The following DIP2C variants were observed in gnomAD, a reference collection of about 807,000 sequenced individuals.
DIP2C encodes the protein disco-interacting protein 2 homolog C.
Under a neutral mutation model 192.4 loss-of-function variants are expected in DIP2C, and 33 were observed. The ratio of observed to expected loss-of-function variants is 0.17; its 90% CI spans 0.13 to 0.23. The LOEUF (loss-of-function observed/expected upper bound fraction) is 0.23. Ranked by LOEUF, DIP2C falls within the 10% of genes least tolerant of loss-of-function variation. The probability of loss-of-function intolerance (pLI) is 1.00; values close to 1 mark genes in which losing one functional copy is unlikely to be tolerated. For synonymous variants in DIP2C, 979 were observed against 864.1 expected (o/e 1.13, Z -2.33); for missense variants, 1,537 against 2,110.1 (o/e 0.73, Z 5.32).
chr10:451,792 A>C (rs1968868320), intron 3 of DIP2C, among the ~76,000 whole-genome samples: 2 of 152,212 alleles, frequency 1.3e-5, no homozygotes, highest in African/African-American at 4.8e-5. Context: ...ACCACCCTCT[A>C]ACACAAAGCA....
At chr10:452,367 A>ACC (rs771867314) in intron 3 of DIP2C, among the ~76,000 whole-genome samples, 7 of 152,096 alleles carry the variant, frequency 4.6e-5, no homozygotes, top group Non-Finnish European at 8.8e-5. Flanking sequence ...GCGCGCACTA[A>ACC]CCCCATCATC....
Position 366,320 on chromosome 10 carries a change from G to A in DIP2C, c.2223C>T (p.Gly741=), listed in dbSNP as rs1960200483. 1 of 1,613,966 alleles carries A rather than the reference G, an allele frequency of 6.2e-7. No homozygotes were observed. Among genetic ancestry groups the A allele is most frequent in the Non-Finnish European group, 8.5e-7 (1 of 1,179,968 alleles). The change falls in exon 19 of 37, where the codon GGC becomes GGT. Residue 741 remains glycine, a synonymous_variant. Transcript: ENST00000280886. ...TGCCAGAGAGGCCATAGTAGGACGT[G>A]CCCGTCGCAACTGCACACACACACA... ...GELCVCAVAT[G]TSYYGLSGMT... is the part of the protein sequence containing the mutation.
intron 1 of DIP2C, among the ~76,000 whole-genome samples, chr10:677,414 G>A (rs1830913748): frequency 6.6e-6 from 1 of 152,108 alleles, no homozygotes; most frequent in Non-Finnish European, 1.5e-5. Context: ...GCTCCTTAAG[G>A]ATGACTTCCT....
At chr10:458,968 T>G (rs1969529506) in intron 3 of DIP2C, among the ~76,000 whole-genome samples, 1 of 144,500 alleles carries the variant, frequency 6.9e-6, no homozygotes, top group South Asian at 2.2e-4. Context: ...AGCACAAGTT[T>G]CCAGTTTACC....
In DIP2C at chr10:516,083, G is replaced by A. The variant is rs188596291; in HGVS notation, c.86-29553C>T. On this transcript the variant is annotated intron_variant, in intron 1 of 36. Transcript: ENST00000280886. ...TTCCACTTCCACGACGAGAGGAAAC[G>A]AGGGGGTTTCCTGAAGCCACTGGCA... is the stretch of plus-strand genomic sequence containing the variant. 2.1e-3 allele frequency among the ~76,000 whole-genome samples: 314 copies of A among 151,058 alleles called. 1 individual carries two copies. Among genetic ancestry groups the A allele is most frequent in the Middle Eastern group, 0.014 (4 of 294 alleles).
intron 1 of DIP2C, among the ~76,000 whole-genome samples, chr10:531,587 C>A (rs564350872): frequency 6.6e-6 from 1 of 152,300 alleles, no homozygotes; most frequent in Non-Finnish European, 1.5e-5. Context: ...CGCCCTAAAG[C>A]CAACTCTGGA....
At chr10:570,155 C>A (rs1849693136) in intron 1 of DIP2C, among the ~76,000 whole-genome samples, 1 of 152,194 alleles carries the variant, frequency 6.6e-6, no homozygotes, top group Non-Finnish European at 1.5e-5. Flanking sequence ...AGGCACAAAG[C>A]AGCTCCAGCA....
intron 36 of DIP2C, among the ~76,000 whole-genome samples, chr10:280,492 T>G (rs1039210916): frequency 4.0e-5 from 6 of 151,616 alleles, no homozygotes; most frequent in African/African-American, 1.5e-4. Context: ...TGAACAAGCC[T>G]GTAAAACTCC....
intron 29 of DIP2C, among the ~76,000 whole-genome samples, chr10:339,629 A>G (rs1162390752): frequency 6.6e-6 from 1 of 152,188 alleles, no homozygotes; most frequent in Non-Finnish European, 1.5e-5. Context: ...TGTTCAGAAC[A>G]GACCTCTGCC....
At chr10:414,727 G>GTATATATATA (rs1305381030) in intron 7 of DIP2C, among the ~76,000 whole-genome samples, 13 of 70,356 alleles carry the variant, frequency 1.8e-4, no homozygotes, top group African/African-American at 6.0e-4. Flanking sequence ...GTGTGTGTGT[G>GTATATATATA]TGTGTGTGTG....
intron 28 of DIP2C, among the ~76,000 whole-genome samples, chr10:342,006 G>A (rs370816995): frequency 3.3e-5 from 5 of 152,214 alleles, no homozygotes; most frequent in Non-Finnish European, 5.9e-5. Flanking sequence ...TCTGGGGAAT[G>A]TGAGTGGCTG....
rs140713761 is a variant in DIP2C, at chr10:400,371, G to A, written c.1150-1152C>T. On this transcript the variant is annotated intron_variant, in intron 9 of 36. Coordinates refer to ENST00000280886, the MANE Select transcript of DIP2C (RefSeq NM_014974.3). ...TAACAGTATGGTGTATCTTGACGAAGAACAATTTTCCTTCGATGATAGAGT... is the reference window on the plus strand; with the variant it reads ...TAACAGTATGGTGTATCTTGACGAAAAACAATTTTCCTTCGATGATAGAGT... Among the ~76,000 whole-genome samples the A allele has an allele frequency of 4.4e-3, 672 of 152,302 alleles. 9 individuals are homozygous for A. Among genetic ancestry groups the A allele is most frequent in the African/African-American group, 0.015 (633 of 41,568 alleles).
chr10:448,779 C>T (rs371394015), intron 3 of DIP2C, among the ~76,000 whole-genome samples: 5 of 139,926 alleles, frequency 3.6e-5, no homozygotes, highest in South Asian at 4.8e-4. Context: ...CCTGTCGATA[C>T]TCAGGATCAC....
At chr10:653,698 A>T (rs1239635442) in intron 1 of DIP2C, among the ~76,000 whole-genome samples, 1 of 152,200 alleles carries the variant, frequency 6.6e-6, no homozygotes, top group East Asian at 1.9e-4. Flanking sequence ...TTGGGTGAGA[A>T]AGTCTCCACC....
chr10:610,672 A>C (rs1853032869), intron 1 of DIP2C, among the ~76,000 whole-genome samples: 1 of 152,246 alleles, frequency 6.6e-6, no homozygotes, highest in Non-Finnish European at 1.5e-5. Context: ...GTCCCCACCC[A>C]AATCTCATGC....
intron 10 of DIP2C, among the ~76,000 whole-genome samples, 184 bp from the exon 11 acceptor site, chr10:391,047 C>T (rs909225021): frequency 2.0e-5 from 3 of 152,094 alleles, no homozygotes; most frequent in South Asian, 2.1e-4. Context: ...AGTGTCCTCA[C>T]GTGTAAAACA....
At chr10:481,933 G>A (rs554051849) in intron 2 of DIP2C, among the ~76,000 whole-genome samples, 6 of 152,198 alleles carry the variant, frequency 3.9e-5, no homozygotes, top group Admixed American at 6.5e-5. Context: ...GCAGGCAGCC[G>A]GGGCCTCAGG....
At chr10:600,549 G>T (rs913606234) in intron 1 of DIP2C, among the ~76,000 whole-genome samples, 3 of 151,912 alleles carry the variant, frequency 2.0e-5, no homozygotes, top group Non-Finnish European at 4.4e-5. Flanking sequence ...TAAAGAGGAC[G>T]GCCCAGGGTG....
chr10:424,382 T>TTTTTTTTTTTTTTTTTTTTTG (rs1388302720), intron 4 of DIP2C, among the ~76,000 whole-genome samples: 2 of 101,362 alleles, frequency 2.0e-5, no homozygotes, highest in Non-Finnish European at 1.9e-5. Flanking sequence ...TTTTTTTTTT[T>TTTTTTTTTTTTTTTTTTTTTG]TGAGACAGAG....
Sources: allele counts gnomAD v4.1 joint callset (sites outside exome capture counted in the v4.1 genomes callset), GRCh38; gene constraint gnomAD v4.1.1; transcripts MANE v1.5; gene names NCBI Gene and HGNC (gene_info 2026-07-23, HGNC 2026-07-21).